HMGB1: variants seen among roughly 807,000 people sequenced by gnomAD.
The protein encoded by HMGB1 is high mobility group box 1.
For missense variants in HMGB1, 79 were observed against 253.5 expected (o/e 0.31, Z 4.67); for synonymous variants, 81 against 84.0 (o/e 0.96, Z 0.19).
chr13:30,544,974 C>T (rs1869081107), intron 1 of HMGB1, among the ~76,000 whole-genome samples: 1 of 152,178 alleles, frequency 6.6e-6, no homozygotes, highest in African/African-American at 2.4e-5. Context: ...CACTCCTGGC[C>T]TCCAATCTTT....
chr13:30,538,523 C>CCTTT (rs748751416), intron 1 of HMGB1, among the ~76,000 whole-genome samples: 2,121 of 84,984 alleles, frequency 0.025, 375 homozygotes, highest in African/African-American at 0.13. Flanking sequence ...TTCTTTCTTT[C>CCTTT]CTTTCTTTCT....
intron 1 of HMGB1, among the ~76,000 whole-genome samples, chr13:30,492,165 TAA>T (rs1275526384): frequency 9.6e-5 from 13 of 135,862 alleles, no homozygotes; most frequent in Non-Finnish European, 8.0e-5. Flanking sequence ...AGACTCCCTC[TAA>T]AAAAAAAAAA....
At chr13:30,566,101 T>G (rs1043184901) in intron 1 of HMGB1, among the ~76,000 whole-genome samples, 2 of 152,192 alleles carry the variant, frequency 1.3e-5, no homozygotes, top group African/African-American at 4.8e-5. Context: ...GACAAGGGCT[T>G]GTACTCCACC....
chr13:30,461,864 C>G (rs1446678660), intron 4 of HMGB1, among the ~76,000 whole-genome samples: 1 of 152,070 alleles, frequency 6.6e-6, no homozygotes. Context: ...CTGCCACCTT[C>G]TGAATGCAAA....
At chr13:30,500,216 C>T (rs1327149758) in intron 1 of HMGB1, among the ~76,000 whole-genome samples, 1 of 152,170 alleles carries the variant, frequency 6.6e-6, no homozygotes, top group Non-Finnish European at 1.5e-5. Flanking sequence ...AAAGCTTGCA[C>T]CAGAAGCTGC....
intron 1 of HMGB1, among the ~76,000 whole-genome samples, chr13:30,584,444 A>G (rs2137546022): frequency 6.6e-6 from 1 of 152,316 alleles, no homozygotes; most frequent in Middle Eastern, 3.4e-3. Context: ...AGTACATTTC[A>G]GCACATAAAG....
chr13:30,553,873 A>G (rs1869549907), intron 1 of HMGB1: 3 of 1,329,532 alleles, frequency 2.3e-6, no homozygotes, highest in Non-Finnish European at 3.2e-6. Context: ...GAGAATGATT[A>G]TATTAATGCC....
intron 1 of HMGB1, among the ~76,000 whole-genome samples, chr13:30,586,813 T>A (rs564291012): frequency 2.6e-4 from 39 of 152,140 alleles, no homozygotes; most frequent in Non-Finnish European, 4.6e-4. Context: ...ACATATCCAC[T>A]TGGACTTTTA....
intron 1 of HMGB1, among the ~76,000 whole-genome samples, chr13:30,495,619 C>T (rs964631060): frequency 3.9e-5 from 6 of 152,070 alleles, no homozygotes; most frequent in African/African-American, 1.4e-4. Flanking sequence ...GTTGGGACTA[C>T]AGGCGCGTGC....
chr13:30,569,708 T>C (rs1870347467), intron 1 of HMGB1, among the ~76,000 whole-genome samples: 1 of 152,176 alleles, frequency 6.6e-6, no homozygotes, highest in African/African-American at 2.4e-5. Flanking sequence ...TTCTTTCCTA[T>C]ATCACCTTTC....
At chr13:30,561,936 C>G (rs894792296) in intron 1 of HMGB1, among the ~76,000 whole-genome samples, 2 of 152,168 alleles carry the variant, frequency 1.3e-5, no homozygotes, top group African/African-American at 4.8e-5. Context: ...CCCCCAACTT[C>G]TGAGTGAATG....
At chr13:30,497,139 A>G (rs1887626143) in intron 1 of HMGB1, among the ~76,000 whole-genome samples, 1 of 151,244 alleles carries the variant, frequency 6.6e-6, no homozygotes. Context: ...TGTAACCAGG[A>G]CCCTTCAATG....
chr13:30,601,087 C>T (rs150795091), intron 1 of HMGB1, among the ~76,000 whole-genome samples: 117 of 152,266 alleles, frequency 7.7e-4, no homozygotes, highest in African/African-American at 1.7e-3. Flanking sequence ...TTGTAATCTC[C>T]GCCACCCTTA....
chr13:30,592,819 T>C (rs747281117), intron 1 of HMGB1, among the ~76,000 whole-genome samples: 2 of 151,666 alleles, frequency 1.3e-5, no homozygotes, highest in African/African-American at 2.4e-5. Flanking sequence ...TTACCTGTGA[T>C]ACTGTTGAAA....
chr13:30,617,520 C>G (rs1231087800), exon 1 of HMGB1: 1 of 152,260 alleles, frequency 6.6e-6, no homozygotes, highest in African/African-American at 2.4e-5. Context: ...ACCAGCGGCT[C>G]CCGACCACGC....
chr13:30,583,405 C>A (rs1241858120), intron 1 of HMGB1, among the ~76,000 whole-genome samples: 1 of 151,310 alleles, frequency 6.6e-6, no homozygotes, highest in Non-Finnish European at 1.5e-5. Context: ...TGGTGGTGCA[C>A]CTATAGTCCC....
intron 1 of HMGB1, chr13:30,542,785 C>A: frequency 5.2e-6 from 1 of 192,394 alleles, no homozygotes; most frequent in East Asian, 1.2e-4. Flanking sequence ...AACGTTGGAC[C>A]TTGGACCTTC....
At chr13:30,530,988 A>T in intron 1 of HMGB1, among the ~76,000 whole-genome samples, 1 of 152,250 alleles carries the variant, frequency 6.6e-6, no homozygotes, top group East Asian at 1.9e-4. Flanking sequence ...TCGAGGCTGC[A>T]GTGAGCTGAT....
Position 30,462,589 on chromosome 13 carries a change from G to C in HMGB1, c.420C>G (p.Asp140Glu), listed in dbSNP as rs781066692. 6 of 1,609,584 alleles carry C rather than the reference G, an allele frequency of 3.7e-6. No homozygotes were observed. In the African/African-American group the frequency reaches 8.0e-5, roughly 22 times the overall value. Residue 140 changes from aspartate to glutamate, a missense_variant, in exon 4 of 5, where the codon GAC becomes GAG. Transcript: ENST00000341423. ...CAGCCTTCTTTTCATAAGGCTGCTT[G>C]TCATCTGCAGCAGTGTTATTCCACA... The part of the protein sequence containing the change: ...GEMWNNTAAD[D>E]KQPYEKKAAK...
Sources: gnomAD v4.1 joint callset for allele counts (sites outside exome capture counted in the v4.1 genomes callset) on GRCh38, gnomAD v4.1.1 for gene constraint, MANE v1.5 for transcripts, NCBI Gene and HGNC (gene_info 2026-07-23, HGNC 2026-07-21) for gene names.